Variants in KCNQ3 observed in about 807,000 individuals in gnomAD.
KCNQ3 encodes potassium voltage-gated channel subfamily KQT member 3.
Under a neutral mutation model 92.5 loss-of-function variants are expected in KCNQ3, and 30 were observed. The observed-to-expected ratio is 0.32, with a 90% CI of 0.24 to 0.44. The LOEUF (loss-of-function observed/expected upper bound fraction) is 0.44. Among genes scored for constraint, KCNQ3 ranks in the 20% least tolerant of loss-of-function variants. The pLI is 1.00. For missense variants in KCNQ3, 913 were observed against 1,140.3 expected, an observed-to-expected ratio of 0.80 and a Z score of 2.87; for synonymous variants, 450 against 468.8, an observed-to-expected ratio of 0.96 and a Z score of 0.52.
chr8:132,209,737 T>C (rs1174271644), intron 1 of KCNQ3, among the ~76,000 whole-genome samples: 3 of 152,166 alleles, frequency 2.0e-5, no homozygotes, highest in African/African-American at 7.2e-5. Flanking sequence ...ATTTTGCCCA[T>C]CTGTAGGCTG....
At chr8:132,364,523 G>T (rs570089052) in intron 1 of KCNQ3, among the ~76,000 whole-genome samples, 1 of 152,300 alleles carries the variant, frequency 6.6e-6, no homozygotes, top group South Asian at 2.1e-4. Flanking sequence ...TAGGCTGGAG[G>T]GAGTGTCACT....
At chr8:132,172,727 AG>A in intron 6 of KCNQ3, 34 bp from the exon 7 acceptor site, 1 of 1,495,898 alleles carries the variant, frequency 6.7e-7, no homozygotes, top group Non-Finnish European at 9.3e-7. Flanking sequence ...GTCAGCCCCC[AG>A]CTAGACTGTC....
rs1824762798 is a variant in KCNQ3 at position 132,129,068 on chromosome 8, A to C, written c.*194T>G. 4 of 621,862 alleles carry C rather than the reference A, an allele frequency of 6.4e-6. No homozygotes were observed. The highest frequency in any genetic ancestry group is 1.1e-5 in the Non-Finnish European group (4 of 354,048). The allele number at this position is 621,862 out of a possible 1,614,324, so 38.5% of individuals were successfully genotyped here. A position where few individuals can be genotyped will look rare whatever the true frequency, so the allele number is the denominator to read the frequency against. Reference sequence around the variant, plus strand: ...GTGTAAAGTCATGCAAACCATGCTGAAAAGGAAGCACTTTGTTGTGGTGAC... The same window carrying C: ...GTGTAAAGTCATGCAAACCATGCTGCAAAGGAAGCACTTTGTTGTGGTGAC... On this transcript the variant is annotated 3_prime_UTR_variant, in exon 15 of 15. Transcript: ENST00000388996. The surrounding 1 kb of genome is among the most constrained non-coding windows in gnomAD (Gnocchi z 5.9).
intron 1 of KCNQ3, among the ~76,000 whole-genome samples, chr8:132,234,332 T>A (rs1814736500): frequency 1.4e-5 from 2 of 138,510 alleles, no homozygotes; most frequent in African/African-American, 2.7e-5. Flanking sequence ...ATTCTGTCCA[T>A]GAAAAGTTTT....
intron 1 of KCNQ3, among the ~76,000 whole-genome samples, chr8:132,295,470 T>C (rs1042139797): frequency 4.6e-5 from 7 of 152,240 alleles, no homozygotes; most frequent in Non-Finnish European, 7.3e-5. Context: ...TGGAAGACCA[T>C]GTGGCAATTC....
chr8:132,129,240 A>AG lies in KCNQ3; in HGVS notation c.*21dup, dbSNP rs778807296. On this transcript the variant is annotated 3_prime_UTR_variant, in exon 15 of 15. Coordinates refer to ENST00000388996, the MANE Select transcript of KCNQ3 (RefSeq NM_004519.4). The surrounding 1 kb of genome is among the most constrained non-coding windows in gnomAD (Gnocchi z 5.9). ...TACAAAGTCTGTCTACATTACAAGG[A>AG]GGGGTCAGCCAGTGACCTCTTTTAA... The AG allele has an allele frequency of 1.9e-6, 3 of 1,605,720 alleles. No individual in the cohort carries two copies. Among genetic ancestry groups the AG allele is most frequent in the South Asian group, 2.2e-5 (2 of 91,060 alleles).
chr8:132,456,634 G>A (rs1318872352), intron 1 of KCNQ3, among the ~76,000 whole-genome samples: 1 of 150,976 alleles, frequency 6.6e-6, no homozygotes, highest in Non-Finnish European at 1.5e-5. Context: ...TTGAGATGGA[G>A]TCTCACTCTG....
chr8:132,280,479 A>T (rs574552080), intron 1 of KCNQ3, among the ~76,000 whole-genome samples: 1 of 152,144 alleles, frequency 6.6e-6, no homozygotes, highest in Non-Finnish European at 1.5e-5. Context: ...ATTTTACAAC[A>T]ATCAGATCTC....
At chr8:132,372,931 C>T (rs1055529158) in intron 1 of KCNQ3, among the ~76,000 whole-genome samples, 4 of 151,980 alleles carry the variant, frequency 2.6e-5, no homozygotes, top group African/African-American at 9.7e-5. Context: ...TCCCTGTGAA[C>T]GTTAGCATGG....
intron 1 of KCNQ3, among the ~76,000 whole-genome samples, chr8:132,212,653 T>G (rs1813896412): frequency 6.6e-6 from 1 of 151,894 alleles, no homozygotes; most frequent in African/African-American, 2.4e-5. Flanking sequence ...CCAGGTTCAT[T>G]TAAGAAGGGG....
intron 1 of KCNQ3, among the ~76,000 whole-genome samples, chr8:132,465,764 T>C (rs1354506488): frequency 1.3e-5 from 2 of 148,686 alleles, no homozygotes; most frequent in Non-Finnish European, 3.0e-5. Context: ...AAACAAAAAA[T>C]AGTGGGCATA....
chr8:132,298,630 G>A (rs533118342), intron 1 of KCNQ3, among the ~76,000 whole-genome samples: 9 of 152,296 alleles, frequency 5.9e-5, no homozygotes, highest in East Asian at 1.9e-4. Context: ...GTACTCGGCC[G>A]GGCACAGTGG....
intron 1 of KCNQ3, among the ~76,000 whole-genome samples, chr8:132,399,526 CT>C (rs1396603707): frequency 2.6e-5 from 4 of 152,140 alleles, no homozygotes; most frequent in Non-Finnish European, 5.9e-5. Flanking sequence ...CCCTCCACCC[CT>C]GGAAGAAAAT....
At chr8:132,303,623 TA>T (rs1817307604) in intron 1 of KCNQ3, among the ~76,000 whole-genome samples, 1 of 64,174 alleles carries the variant, frequency 1.6e-5, no homozygotes, top group Non-Finnish European at 2.6e-5. Flanking sequence ...TATATATATA[TA>T]TATATATGGT....
intron 1 of KCNQ3, among the ~76,000 whole-genome samples, chr8:132,299,214 T>A (rs1362693545): frequency 6.6e-6 from 1 of 151,538 alleles, no homozygotes; most frequent in African/African-American, 2.4e-5. Flanking sequence ...GATATGGGCA[T>A]GCAATGATGC....
In KCNQ3 at chr8:132,154,193, GTTTTTTTTTTTTTTTTT is replaced by G. The variant is rs869112851; in HGVS notation, c.1262+9258_1262+9274del. Among the ~76,000 whole-genome samples, 111 of 27,498 alleles carry G rather than the reference GTTTTTTTTTTTTTTTTT, an allele frequency of 4.0e-3. 1 individual carries two copies. Among genetic ancestry groups the G allele is most frequent in the African/African-American group, 0.016 (110 of 6,758 alleles). The allele number at this position is 27,498 out of a possible 152,430, so 18.0% of individuals were successfully genotyped here. A position where few individuals can be genotyped will look rare whatever the true frequency, so the allele number is the denominator to read the frequency against. On this transcript the variant is annotated intron_variant, in intron 9 of 14. Coordinates refer to ENST00000388996, the MANE Select transcript of KCNQ3 (RefSeq NM_004519.4). ...CTGATGTACCATCAAAAGGGTAAAA[GTTTTTTTTTTTTTTTTT>G]TTTTTTTTTTTTTAGCCAATCAGGC...
At chr8:132,132,724 A>G (rs918005750) in intron 13 of KCNQ3, among the ~76,000 whole-genome samples, 1 of 152,224 alleles carries the variant, frequency 6.6e-6, no homozygotes, top group Non-Finnish European at 1.5e-5. Flanking sequence ...GCCAATTTTA[A>G]TAAGAATGAA....
intron 1 of KCNQ3, among the ~76,000 whole-genome samples, chr8:132,387,477 A>G (rs1257335926): frequency 6.6e-6 from 1 of 152,214 alleles, no homozygotes; most frequent in East Asian, 1.9e-4. Flanking sequence ...TAGTTTCACT[A>G]AGACAATAAA....
In KCNQ3 at chr8:132,122,924, G is replaced by C. The variant is rs1824532330; in HGVS notation, c.*6338C>G. On this transcript the variant is annotated 3_prime_UTR_variant, in exon 15 of 15. Coordinates refer to ENST00000388996, the MANE Select transcript of KCNQ3 (RefSeq NM_004519.4). ...AGATGTCCTAAGTTGAGTCCTGTCTGCTTCTTTGTAGCTTTTGGTGAAGGC... is the reference window on the plus strand; with the variant it reads ...AGATGTCCTAAGTTGAGTCCTGTCTCCTTCTTTGTAGCTTTTGGTGAAGGC... 6.6e-6 allele frequency: 1 copy of C among 152,162 alleles called. No homozygotes were observed. Among genetic ancestry groups the C allele is most frequent in the African/African-American group, 2.4e-5 (1 of 41,446 alleles). 9.4% of individuals were successfully genotyped at this position (152,162 alleles called of 1,614,324 possible).
Sources: gnomAD v4.1 joint callset for allele counts (sites outside exome capture counted in the v4.1 genomes callset) on GRCh38, gnomAD v4.1.1 for gene constraint, Gnocchi (gnomAD v3.1) non-coding constraint, MANE v1.5 for transcripts, NCBI Gene and HGNC (gene_info 2026-07-23, HGNC 2026-07-21) for gene names.